Variants in CC2D2A observed in about 807,000 individuals in gnomAD.
The protein encoded by CC2D2A is coiled-coil and C2 domain-containing protein 2A.
CC2D2A carries 155 observed loss-of-function variants against 212.9 expected under a neutral mutation model. That is an observed-to-expected ratio of 0.73 (90% CI 0.64 to 0.83). CC2D2A has a LOEUF of 0.83. CC2D2A is among the 40% of genes least tolerant of loss of function. CC2D2A has a pLI of 0.00. For synonymous variants in CC2D2A, 667 were observed against 686.5 expected (o/e 0.97, Z 0.44); for missense variants, 1,856 against 1,956.2 (o/e 0.95, Z 0.97).
Position 15,474,564 on chromosome 4 carries a change from G to A in CC2D2A, c.-18-1351G>A, listed in dbSNP as rs1032465518. 3.9e-5 allele frequency among the ~76,000 whole-genome samples: 6 copies of A among 152,100 alleles called. No individual in the cohort carries two copies. The East Asian group carries it at 9.7e-4, about 24-fold the overall frequency. On this transcript the variant is annotated intron_variant, in intron 1 of 36. Coordinates refer to ENST00000424120, the MANE Select transcript of CC2D2A (RefSeq NM_001378615.1). ...GACTATAGTTAATAATAATTTAATT[G>A]TACATTTAAAAATAACTAAAAGAGT... is the stretch of plus-strand genomic sequence containing the variant.
intron 17 of CC2D2A, among the ~76,000 whole-genome samples, chr4:15,545,382 C>T (rs1235841650): frequency 6.6e-6 from 1 of 152,068 alleles, no homozygotes; most frequent in African/African-American, 2.4e-5. Flanking sequence ...AAGCCAACTG[C>T]GTATCTAAGC....
At chr4:15,563,062 G>C (rs1029232505) in intron 23 of CC2D2A, among the ~76,000 whole-genome samples, 4 of 152,224 alleles carry the variant, frequency 2.6e-5, no homozygotes, top group Admixed American at 1.3e-4. Context: ...GGAGACCATA[G>C]GCATGTTTGA....
At position 15,569,311 on chromosome 4, in the gene CC2D2A, T is replaced by C. The variant is rs749549856; in HGVS notation, c.3417T>C (p.Tyr1139=). ...ELPFRAPNGD[Y]STASLQSVKD... ...CTTGCAGGGCTCCTAATGGAGATTA[T>C]AGCACAGCCAGTCTGCAGTCAGTGA... Residue 1139 remains tyrosine (Y), a synonymous_variant, in exon 27 of 37, where the codon TAT becomes TAC. Coordinates refer to ENST00000424120, the MANE Select transcript of CC2D2A (RefSeq NM_001378615.1). 5.1e-6 allele frequency: 8 copies of C among 1,579,068 alleles called. No individual in the cohort carries two copies. The Admixed American group carries it at 5.4e-5, about 11-fold the overall frequency.
intron 33 of CC2D2A, 94 bp downstream of exon 33, chr4:15,589,773 T>A: frequency 3.6e-6 from 2 of 550,284 alleles, no homozygotes; most frequent in African/African-American, 2.1e-5. Context: ...ACCAAAATAT[T>A]TATATAAATG....
rs1716838067 is a variant in CC2D2A, at chr4:15,515,862, A to G, written c.881-6A>G. 1.3e-6 allele frequency: 2 copies of G among 1,551,014 alleles called. No homozygotes were observed. Among genetic ancestry groups the G allele is most frequent in the East Asian group, 2.4e-5 (1 of 40,916 alleles). ...TGTTTATTTTATTTATTTATAAACG[A>G]TCTAGTCCCTACATATAAAAAGCTT... is the stretch of plus-strand genomic sequence containing the variant. On this transcript the variant is annotated splice_polypyrimidine_tract_variant and splice_region_variant and intron_variant, in intron 9 of 36. Transcript: ENST00000424120.
At chr4:15,578,434 G>T (rs1287068953) in intron 29 of CC2D2A, among the ~76,000 whole-genome samples, 2 of 152,148 alleles carry the variant, frequency 1.3e-5, no homozygotes, top group African/African-American at 4.8e-5. Flanking sequence ...AAAAAGTAAT[G>T]AAATGTTTTC....
chr4:15,586,432 T>A (rs563742562), intron 31 of CC2D2A, among the ~76,000 whole-genome samples, 186 bp downstream of exon 31: 1 of 152,316 alleles, frequency 6.6e-6, no homozygotes, highest in South Asian at 2.1e-4. Flanking sequence ...GTTCAGAAGT[T>A]AACAAAAAAT....
intron 29 of CC2D2A, chr4:15,576,223 T>C (rs1720398373): frequency 5.7e-6 from 1 of 174,644 alleles, no homozygotes; most frequent in Non-Finnish European, 1.1e-5. Flanking sequence ...GGCATGTTGA[T>C]TGACAGAACC....
At chr4:15,568,090 A>T (rs180955490) in intron 26 of CC2D2A, among the ~76,000 whole-genome samples, 22 of 152,310 alleles carry the variant, frequency 1.4e-4, no homozygotes, top group Non-Finnish European at 2.5e-4. Context: ...AATGACCTAC[A>T]CTGCTTTCCT....
At chr4:15,530,034 C>T (rs992826833) in intron 13 of CC2D2A, among the ~76,000 whole-genome samples, 2 of 151,300 alleles carry the variant, frequency 1.3e-5, no homozygotes, top group African/African-American at 4.9e-5. Context: ...TGCAGTGGTG[C>T]GATTTCGGCT....
chr4:15,573,739 C>T (rs922882858), intron 28 of CC2D2A, among the ~76,000 whole-genome samples: 3 of 152,174 alleles, frequency 2.0e-5, no homozygotes, highest in Admixed American at 2.0e-4. Flanking sequence ...TTATTGATTG[C>T]TTACCATATG....
chr4:15,518,617 C>G (rs1333021073), intron 11 of CC2D2A, among the ~76,000 whole-genome samples: 1 of 152,212 alleles, frequency 6.6e-6, no homozygotes. Flanking sequence ...CATGAGAGCC[C>G]TCCCCCTGCA....
At chr4:15,488,409 A>G (rs990452276) in intron 4 of CC2D2A, among the ~76,000 whole-genome samples, 1 of 152,148 alleles carries the variant, frequency 6.6e-6, no homozygotes, top group Non-Finnish European at 1.5e-5. Flanking sequence ...TTCATGACCT[A>G]TAAGGTTTCC....
chr4:15,551,585 C>T (rs1719011656), intron 18 of CC2D2A, among the ~76,000 whole-genome samples: 1 of 151,972 alleles, frequency 6.6e-6, no homozygotes. Flanking sequence ...TCTGTTTTTC[C>T]TTCCAATTAC....
At chr4:15,595,940 T>C (rs1721298032) in intron 33 of CC2D2A, 145 bp from the exon 34 acceptor site, 1 of 491,830 alleles carries the variant, frequency 2.0e-6, no homozygotes, top group East Asian at 3.5e-5. Context: ...ACAATTTTTA[T>C]AATCAAAAAA....
At position 15,528,705 on chromosome 4, in the gene CC2D2A, A is replaced by G. The variant is rs1577350882; in HGVS notation, c.1445A>G (p.Asn482Ser). Residue 482 changes from asparagine to serine, a missense_variant, in exon 13 of 37, where the codon AAT (asparagine) becomes AGT (serine). This residue lies in a region of CC2D2A where 1,512 missense variants were observed against 1,579.3 expected (regional missense o/e 0.96). Transcript: ENST00000424120. The part of the protein sequence containing the change: ...QSLDTIQKTI[N>S]EYKSEIRQTR... ...CTCGATACCATCCAAAAAACCATCA[A>G]TGAGTATAAATCTGAAATTCGGTGA... 6.2e-7 allele frequency: 1 copy of G among 1,612,124 alleles called. No individual in the cohort carries two copies. The highest frequency in any genetic ancestry group is 8.5e-7 in the Non-Finnish European group (1 of 1,178,876).
At chr4:15,515,833 C>A in intron 9 of CC2D2A, 35 bp from the exon 10 acceptor site, 8 of 1,536,406 alleles carry the variant, frequency 5.2e-6, no homozygotes, top group Non-Finnish European at 7.0e-6. Context: ...TAGATTGGCC[C>A]TAATGTTTAT....
chr4:15,539,640 T>G (rs1718316946), intron 16 of CC2D2A, among the ~76,000 whole-genome samples: 1 of 152,220 alleles, frequency 6.6e-6, no homozygotes, highest in South Asian at 2.1e-4. Flanking sequence ...ATATTATACA[T>G]AAACTATTCC....
At position 15,563,481 on chromosome 4, in the gene CC2D2A, T is replaced by G; in HGVS notation, c.3141T>G (p.Ile1047Met). The stretch of plus-strand genomic sequence containing the variant: ...GAGACATAAAGCTGCTGGTGAACAT[T>G]GTGCGAGCTTACGACATTCCAGTGA... ...SDGDIKLLVN[I>M]VRAYDIPVRK... Residue 1047 changes from isoleucine (I) to methionine (M), a missense_variant, in exon 24 of 37, where the codon ATT becomes ATG. Ile to Met is a conservative substitution (Grantham distance 10). Coordinates refer to ENST00000424120, the MANE Select transcript of CC2D2A (RefSeq NM_001378615.1). The G allele has an allele frequency of 6.2e-7, 1 of 1,612,558 alleles. No homozygotes were observed. The highest frequency in any genetic ancestry group is 8.5e-7 in the Non-Finnish European group (1 of 1,179,380).
Sources: gnomAD v4.1 joint callset for allele counts (sites outside exome capture counted in the v4.1 genomes callset) on GRCh38, gnomAD v4.1.1 for gene constraint, gnomAD v4.1.1 regional missense constraint, MANE v1.5 for transcripts, NCBI Gene and HGNC (gene_info 2026-07-23, HGNC 2026-07-21) for gene names.